Variants in KCNIP4 observed in about 807,000 individuals in gnomAD.
The protein encoded by KCNIP4 is potassium voltage-gated channel interacting protein 4, also known as Kv channel-interacting protein 4.
In KCNIP4, 12 loss-of-function variants were observed where a neutral mutation model predicts 34.0. The ratio of observed to expected loss-of-function variants is 0.35; its 90% confidence interval spans 0.23 to 0.57. KCNIP4 has a LOEUF of 0.57. Ranked by LOEUF, KCNIP4 falls within the 20% of genes least tolerant of loss-of-function variation. The pLI is 0.83. For synonymous variants in KCNIP4, 124 were observed against 102.2 expected (o/e 1.21, Z -1.29); for missense variants, 238 against 311.7 (o/e 0.76, Z 1.78).
intron 1 of KCNIP4, among the ~76,000 whole-genome samples, chr4:21,721,625 CAACT>C (rs1183648940): frequency 6.6e-6 from 1 of 152,140 alleles, no homozygotes; most frequent in Admixed American, 6.6e-5. Context: ...AGTTCTTGAT[CAACT>C]AACTAAAAAA....
chr4:21,824,838 A>G (rs1018062327), intron 1 of KCNIP4, among the ~76,000 whole-genome samples: 1 of 152,168 alleles, frequency 6.6e-6, no homozygotes, highest in African/African-American at 2.4e-5. Context: ...TGCCTCCATC[A>G]TTCAATCAAC....
At position 20,938,872 on chromosome 4, in the gene KCNIP4, C is replaced by G. The variant is rs561528999; in HGVS notation, c.62-56163G>C. Among the ~76,000 whole-genome samples the G allele has an allele frequency of 1.3e-4, 20 of 152,324 alleles. No individual in the cohort carries two copies. The South Asian group carries it at 2.7e-3, about 20-fold the overall frequency. On this transcript the variant is annotated intron_variant, in intron 1 of 8. Coordinates refer to ENST00000382152, the MANE Select transcript of KCNIP4 (RefSeq NM_025221.6). ...TGTCCTGAGAGCTATACTTCAACCT[C>G]TTTATCCTGAACTTCACATAGAAAT...
intron 1 of KCNIP4, among the ~76,000 whole-genome samples, chr4:21,838,000 A>G (rs1304458358): frequency 6.6e-6 from 1 of 152,182 alleles, no homozygotes; most frequent in Non-Finnish European, 1.5e-5. Context: ...TCCATAAATA[A>G]TGAATTATTA....
At chr4:21,534,075 T>G (rs759393023) in intron 1 of KCNIP4, among the ~76,000 whole-genome samples, 24 of 152,208 alleles carry the variant, frequency 1.6e-4, no homozygotes, top group Non-Finnish European at 2.9e-4. Flanking sequence ...GATAAGTTAT[T>G]CACCATCTCA....
chr4:21,390,522 G>A (rs954240356), intron 1 of KCNIP4, among the ~76,000 whole-genome samples: 3 of 152,052 alleles, frequency 2.0e-5, no homozygotes, highest in African/African-American at 4.8e-5. Context: ...TCTCCATATG[G>A]CTAGCCAGTT....
chr4:20,976,821 G>T, intron 1 of KCNIP4, among the ~76,000 whole-genome samples: 1 of 152,200 alleles, frequency 6.6e-6, no homozygotes, highest in Middle Eastern at 3.4e-3. Context: ...TTGAACAGAA[G>T]CAAAAAGATG....
chr4:20,890,446 G>C (rs1342718710), intron 1 of KCNIP4, among the ~76,000 whole-genome samples: 1 of 152,008 alleles, frequency 6.6e-6, no homozygotes, highest in African/African-American at 2.4e-5. Flanking sequence ...AGATGAAAAG[G>C]TGTCTTATCC....
chr4:21,203,338 A>G (rs1285818774), intron 1 of KCNIP4, among the ~76,000 whole-genome samples: 1 of 147,528 alleles, frequency 6.8e-6, no homozygotes, highest in Non-Finnish European at 1.5e-5. Context: ...TGACTGGATG[A>G]TTGGCAGAAA....
chr4:20,776,145 A>C (rs576606456), intron 3 of KCNIP4, among the ~76,000 whole-genome samples: 1 of 152,284 alleles, frequency 6.6e-6, no homozygotes, highest in South Asian at 2.1e-4. Flanking sequence ...AATATTATGA[A>C]GGTATTATTT....
chr4:21,938,247 A>T (rs1239729507), intron 1 of KCNIP4, among the ~76,000 whole-genome samples: 2 of 152,090 alleles, frequency 1.3e-5, no homozygotes, highest in African/African-American at 2.4e-5. Context: ...CCTGTTTCCA[A>T]AGCAGTCTGT....
chr4:21,636,516 A>G (rs577735256), intron 1 of KCNIP4, among the ~76,000 whole-genome samples: 59 of 152,254 alleles, frequency 3.9e-4, no homozygotes, highest in Non-Finnish European at 6.8e-4. Flanking sequence ...TCTATTGTAC[A>G]TTGTACTTAA....
At chr4:20,941,233 C>A (rs1428531196) in intron 1 of KCNIP4, among the ~76,000 whole-genome samples, 1 of 152,112 alleles carries the variant, frequency 6.6e-6, no homozygotes, top group Non-Finnish European at 1.5e-5. Context: ...AAGATGATTT[C>A]TCAGTAAAAT....
intron 1 of KCNIP4, among the ~76,000 whole-genome samples, chr4:21,174,278 G>A (rs967943425): frequency 5.9e-5 from 9 of 152,172 alleles, no homozygotes; most frequent in African/African-American, 2.2e-4. Context: ...AAACTTCTGA[G>A]AAGAAGCGTG....
Position 20,758,813 on chromosome 4 carries a change from G to C in KCNIP4, c.358+8C>G, listed in dbSNP as rs1318068125. On this transcript the variant is annotated splice_region_variant and intron_variant, in intron 4 of 8. Transcript: ENST00000382152. The stretch of plus-strand genomic sequence containing the variant: ...ATAGTATGTTAACAAGTCCACATTT[G>C]TACTTACCTCCCTGTGGAAAGAACT... 5 of 1,606,976 alleles carry C rather than the reference G, an allele frequency of 3.1e-6. No homozygotes were observed. In the Admixed American group the frequency reaches 5.0e-5, roughly 16 times the overall value.
rs191712893 is a variant in KCNIP4, at chr4:21,242,371, A to G, written c.62-359662T>C. On this transcript the variant is annotated intron_variant, in intron 1 of 8. Transcript: ENST00000382152. ...TTAGTTAAGACCTTGAGCAAATACA[A>G]TGCATTTTTTTGAGACTGCCTTATC... Among the ~76,000 whole-genome samples, 195 of 152,146 alleles carry G rather than the reference A, an allele frequency of 1.3e-3. 2 individuals carry two copies. The highest frequency in any genetic ancestry group is 1.9e-3 in the Non-Finnish European group (129 of 68,000).
At chr4:20,788,438 A>G (rs1712291174) in intron 3 of KCNIP4, among the ~76,000 whole-genome samples, 1 of 152,194 alleles carries the variant, frequency 6.6e-6, no homozygotes, top group African/African-American at 2.4e-5. Context: ...AGCTGACTAT[A>G]GCCCAGCCTG....
chr4:21,665,590 G>T (rs927468691), intron 1 of KCNIP4, among the ~76,000 whole-genome samples: 2 of 150,878 alleles, frequency 1.3e-5, no homozygotes, highest in East Asian at 2.0e-4. Context: ...ATAAGTCAAG[G>T]CTCTAAGAAG....
At chr4:21,626,897 G>A (rs1489156794) in intron 1 of KCNIP4, among the ~76,000 whole-genome samples, 2 of 151,738 alleles carry the variant, frequency 1.3e-5, no homozygotes, top group African/African-American at 4.8e-5. Flanking sequence ...ACTCTTTCAG[G>A]TTCCAGTCAC....
At chr4:20,906,860 C>G (rs992822415) in intron 1 of KCNIP4, among the ~76,000 whole-genome samples, 1 of 152,122 alleles carries the variant, frequency 6.6e-6, no homozygotes, top group Non-Finnish European at 1.5e-5. Flanking sequence ...AACTGAGTAT[C>G]TGGGAAGAAT....
Sources: allele counts gnomAD v4.1 joint callset (sites outside exome capture counted in the v4.1 genomes callset), GRCh38; gene constraint gnomAD v4.1.1; transcripts MANE v1.5; gene names NCBI Gene and HGNC (gene_info 2026-07-23, HGNC 2026-07-21).